SIPA1L3: variants seen among roughly 807,000 people sequenced by gnomAD.
SIPA1L3 encodes signal induced proliferation associated 1 like 3, also known as signal-induced proliferation-associated 1-like protein 3.
In SIPA1L3, 59 loss-of-function variants were observed where a neutral mutation model predicts 150.1. That is an observed-to-expected ratio of 0.39 (90% confidence interval 0.32 to 0.49). The LOEUF is 0.49. Ranked by LOEUF, SIPA1L3 falls within the 20% of genes least tolerant of loss-of-function variation. SIPA1L3 has a pLI of 0.86. For synonymous variants in SIPA1L3, 1,070 were observed against 1,077.6 expected (o/e 0.99, Z 0.14); for missense variants, 2,211 against 2,489.5 (o/e 0.89, Z 2.38).
At chr19:37,954,585 C>T (rs2046792512) in intron 1 of SIPA1L3, among the ~76,000 whole-genome samples, 1 of 152,074 alleles carries the variant, frequency 6.6e-6, no homozygotes, top group Non-Finnish European at 1.5e-5. Context: ...CCCTTGAAAA[C>T]ACTGTTTTCA....
intron 15 of SIPA1L3, among the ~76,000 whole-genome samples, chr19:38,167,802 C>T (rs764035336): frequency 3.3e-5 from 5 of 152,132 alleles, no homozygotes; most frequent in African/African-American, 9.7e-5. Flanking sequence ...TGGGCTCAAG[C>T]GATGCTCCCA....
intron 19 of SIPA1L3, among the ~76,000 whole-genome samples, chr19:38,201,430 C>A (rs1217261252): frequency 3.3e-5 from 5 of 152,192 alleles, no homozygotes. Context: ...CAGCTTCCTC[C>A]GAAGGAGAGC....
chr19:37,916,965 A>C (rs530217270), intron 1 of SIPA1L3, among the ~76,000 whole-genome samples: 1 of 152,302 alleles, frequency 6.6e-6, no homozygotes, highest in East Asian at 1.9e-4. Context: ...TCTCAAAAAA[A>C]AAAAAATGTG....
intron 1 of SIPA1L3, among the ~76,000 whole-genome samples, chr19:38,017,459 A>C (rs1276275840): frequency 1.3e-5 from 2 of 151,320 alleles, no homozygotes; most frequent in African/African-American, 2.4e-5. Flanking sequence ...TCTTCACCAG[A>C]GTTCTCCTTT....
chr19:37,955,391 CAAAA>C (rs35650003), intron 1 of SIPA1L3, among the ~76,000 whole-genome samples: 1 of 120,560 alleles, frequency 8.3e-6, no homozygotes, highest in Non-Finnish European at 1.9e-5. Flanking sequence ...AACTCTGTCT[CAAAA>C]AAAAAAAAAA....
chr19:37,956,832 T>C (rs1011473586), intron 1 of SIPA1L3, among the ~76,000 whole-genome samples: 2 of 152,198 alleles, frequency 1.3e-5, no homozygotes, highest in Non-Finnish European at 2.9e-5. Context: ...AATTAGTCTT[T>C]TATGGATTGT....
At chr19:38,197,813 T>C (rs1363440533) in intron 18 of SIPA1L3, among the ~76,000 whole-genome samples, 1 of 152,036 alleles carries the variant, frequency 6.6e-6, no homozygotes, top group Non-Finnish European at 1.5e-5. Flanking sequence ...CTGCCCAGCA[T>C]CACCGTCTCC....
rs751686542 is a variant in SIPA1L3, at chr19:38,141,185, G to T, written c.3145G>T (p.Gly1049Cys). Residue 1049 changes from glycine (G) to cysteine (C), a missense_variant and splice_region_variant, in exon 11 of 22, where the codon GGT (glycine) becomes TGT (cysteine). Transcript: ENST00000222345. Reference sequence around the variant, plus strand: ...GAGTAATGCAGTTTTTCTCCCCAGGGGTTGGCCGGAGACCTACGACATGAA... The same window carrying T: ...GAGTAATGCAGTTTTTCTCCCCAGGTGTTGGCCGGAGACCTACGACATGAA... ...PPFEDGTPRR[G>C]WPETYDMNTS... is the part of the protein sequence containing the mutation. 2.8e-5 allele frequency: 44 copies of T among 1,583,140 alleles called. No homozygotes were observed. In the South Asian group the frequency reaches 4.8e-4, roughly 17 times the overall value.
At chr19:38,199,648 A>G (rs1973042519) in intron 19 of SIPA1L3, among the ~76,000 whole-genome samples, 1 of 152,122 alleles carries the variant, frequency 6.6e-6, no homozygotes, top group African/African-American at 2.4e-5. Context: ...GAGGAAGCAC[A>G]CCAGCACCAC....
At chr19:37,957,730 T>G (rs967843077) in intron 1 of SIPA1L3, among the ~76,000 whole-genome samples, 3 of 151,926 alleles carry the variant, frequency 2.0e-5, no homozygotes, top group Non-Finnish European at 4.4e-5. Flanking sequence ...TTAATTTATT[T>G]TTTGAGACAG....
At chr19:38,167,543 C>T (rs1393186201) in intron 15 of SIPA1L3, among the ~76,000 whole-genome samples, 1 of 152,124 alleles carries the variant, frequency 6.6e-6, no homozygotes, top group African/African-American at 2.4e-5. Flanking sequence ...TTAGACCTCT[C>T]AGTTCATCTC....
At chr19:38,076,020 A>G (rs533897786) in intron 2 of SIPA1L3, among the ~76,000 whole-genome samples, 1 of 151,974 alleles carries the variant, frequency 6.6e-6, no homozygotes, top group African/African-American at 2.4e-5. Context: ...GGGCGCGTGT[A>G]GTCTCAGCCA....
At chr19:37,938,149 G>A (rs1007916358) in intron 1 of SIPA1L3, among the ~76,000 whole-genome samples, 2 of 152,182 alleles carry the variant, frequency 1.3e-5, no homozygotes, top group Non-Finnish European at 2.9e-5. Flanking sequence ...GTACCACTGG[G>A]ACTCATGCAT....
intron 8 of SIPA1L3, among the ~76,000 whole-genome samples, chr19:38,111,978 T>C (rs1970765594): frequency 1.8e-5 from 2 of 108,270 alleles, no homozygotes; most frequent in African/African-American, 9.5e-5. Flanking sequence ...TGCACACACA[T>C]GCACACAGGC....
chr19:38,117,036 T>G (rs890575956), intron 8 of SIPA1L3, among the ~76,000 whole-genome samples: 3 of 152,212 alleles, frequency 2.0e-5, no homozygotes, highest in Non-Finnish European at 4.4e-5. Flanking sequence ...TCTCCAAATG[T>G]GACTCATCAA....
Position 38,024,642 on chromosome 19 carries a change from ATTC to A in SIPA1L3, c.-378-4443_-378-4441del, listed in dbSNP as rs1968459512. ...CAGACAAGTCAGACTAGATCAAAGC[ATTC>A]TTCACTTAGTTCCTACGGACAGGGG... On this transcript the variant is annotated intron_variant, in intron 1 of 21. Transcript: ENST00000222345. 2.6e-5 allele frequency among the ~76,000 whole-genome samples: 4 copies of A among 152,212 alleles called. No homozygotes were observed. The South Asian group carries it at 8.3e-4, about 32-fold the overall frequency.
At chr19:38,152,536 G>T (rs1297926853) in intron 12 of SIPA1L3, among the ~76,000 whole-genome samples, 2 of 152,180 alleles carry the variant, frequency 1.3e-5, no homozygotes, top group Non-Finnish European at 2.9e-5. Context: ...CCCCTGAGAG[G>T]AGCCCAGGGG....
intron 10 of SIPA1L3, among the ~76,000 whole-genome samples, chr19:38,136,529 G>A (rs568406628): frequency 6.6e-6 from 1 of 152,224 alleles, no homozygotes; most frequent in South Asian, 2.1e-4. Context: ...ACTTGAACCC[G>A]GGAGGTGGAG....
intron 1 of SIPA1L3, among the ~76,000 whole-genome samples, chr19:38,000,845 A>C (rs971846288): frequency 2.0e-5 from 3 of 147,108 alleles, no homozygotes; most frequent in Admixed American, 6.8e-5. Flanking sequence ...GTAACTCTAT[A>C]ATCTTCTTTG....
Sources: allele counts gnomAD v4.1 joint callset (sites outside exome capture counted in the v4.1 genomes callset), GRCh38; gene constraint gnomAD v4.1.1; transcripts MANE v1.5; gene names NCBI Gene and HGNC (gene_info 2026-07-23, HGNC 2026-07-21).